The following PTPRD variants were observed in gnomAD, a reference collection of about 807,000 sequenced individuals.
PTPRD encodes protein tyrosine phosphatase receptor type D, also known as receptor-type tyrosine-protein phosphatase delta.
Under a neutral mutation model 214.5 loss-of-function variants are expected in PTPRD, and 34 were observed. The observed-to-expected ratio is 0.16, with a 90% confidence interval of 0.12 to 0.21. The LOEUF (loss-of-function observed/expected upper bound fraction) is 0.21, where lower values mean the gene tolerates loss of function less well. Among genes scored for constraint, PTPRD ranks in the 10% least tolerant of loss-of-function variants. The pLI, the probability that PTPRD is intolerant of heterozygous loss-of-function variation, is 1.00. For missense variants in PTPRD, 2,545 were observed against 2,398.7 expected, an observed-to-expected ratio of 1.06 and a Z score of -1.27; for synonymous variants, 1,128 against 845.7, an observed-to-expected ratio of 1.33 and a Z score of -5.79.
intron 8 of PTPRD, among the ~76,000 whole-genome samples, chr9:9,519,893 T>G (rs2096924509): frequency 6.6e-6 from 1 of 152,088 alleles, no homozygotes; most frequent in Admixed American, 6.6e-5. Context: ...GGAAAAGCCT[T>G]GCTCCACTGA....
At chr9:9,930,543 A>C (rs28384210) in intron 5 of PTPRD, among the ~76,000 whole-genome samples, 5,838 of 152,280 alleles carry the variant, frequency 0.038, 136 homozygotes, top group Non-Finnish European at 0.056. Context: ...ACTGCAGAAA[A>C]AGCATTGAAA....
chr9:9,482,159 T>C (rs904611144), intron 8 of PTPRD, among the ~76,000 whole-genome samples: 1 of 151,954 alleles, frequency 6.6e-6, no homozygotes, highest in African/African-American at 2.4e-5. Flanking sequence ...TAAGATCTTT[T>C]GGGGAGAGGT....
At chr9:10,561,496 G>T (rs1388231296) in intron 2 of PTPRD, among the ~76,000 whole-genome samples, 1 of 151,956 alleles carries the variant, frequency 6.6e-6, no homozygotes, top group African/African-American at 2.4e-5. Flanking sequence ...CTATTACCTA[G>T]AATACTGCAT....
chr9:9,399,049 A>C (rs542975688), intron 8 of PTPRD, among the ~76,000 whole-genome samples: 1 of 149,720 alleles, frequency 6.7e-6, no homozygotes, highest in East Asian at 2.0e-4. Context: ...AAATGTTGGC[A>C]AACAATTTTG....
intron 3 of PTPRD, among the ~76,000 whole-genome samples, chr9:10,047,312 C>CGTGTGTGTGTGTGTGCG (rs1316571345): frequency 2.4e-4 from 33 of 138,718 alleles, no homozygotes; most frequent in Admixed American, 2.4e-3. Context: ...AATCAACTAA[C>CGTGTGTGTGTGTGTGCG]TGTGTGTGTG....
intron 11 of PTPRD, among the ~76,000 whole-genome samples, chr9:8,764,249 G>A (rs1329264866): frequency 6.6e-6 from 1 of 152,144 alleles, no homozygotes; most frequent in Non-Finnish European, 1.5e-5. Flanking sequence ...TGTGATGTGA[G>A]CCATATGTTT....
chr9:10,496,112 T>C (rs1269616692), intron 2 of PTPRD, among the ~76,000 whole-genome samples: 6 of 151,796 alleles, frequency 4.0e-5, no homozygotes, highest in African/African-American at 1.4e-4. Context: ...CATAATTTCA[T>C]AATATTTTAA....
At chr9:10,023,719 A>G (rs1399064279) in intron 4 of PTPRD, among the ~76,000 whole-genome samples, 1 of 151,692 alleles carries the variant, frequency 6.6e-6, no homozygotes, top group Non-Finnish European at 1.5e-5. Context: ...TTGAATTGCA[A>G]TTTAGGGCCT....
chr9:8,899,172 C>T (rs1204860531), intron 11 of PTPRD, among the ~76,000 whole-genome samples: 1 of 152,074 alleles, frequency 6.6e-6, no homozygotes, highest in Non-Finnish European at 1.5e-5. Context: ...GCTTATAAAG[C>T]CATCTTGCAT....
At chr9:9,589,007 A>T (rs989480411) in intron 7 of PTPRD, among the ~76,000 whole-genome samples, 1 of 151,922 alleles carries the variant, frequency 6.6e-6, no homozygotes, top group African/African-American at 2.4e-5. Context: ...GTTCAATTTT[A>T]ATTTTTATGT....
chr9:9,104,841 T>A (rs2099796266), intron 10 of PTPRD, among the ~76,000 whole-genome samples: 1 of 152,202 alleles, frequency 6.6e-6, no homozygotes, highest in Non-Finnish European at 1.5e-5. Context: ...TCGACGTGAT[T>A]CCTGAACTGC....
intron 7 of PTPRD, among the ~76,000 whole-genome samples, chr9:9,595,308 ATATT>A (rs1239881125): frequency 9.6e-4 from 66 of 68,486 alleles, no homozygotes; most frequent in South Asian, 3.4e-3. Flanking sequence ...ATATATATAT[ATATT>A]ATATATATTT....
intron 9 of PTPRD, among the ~76,000 whole-genome samples, chr9:9,240,236 G>C (rs2099969689): frequency 6.6e-6 from 1 of 152,076 alleles, no homozygotes; most frequent in African/African-American, 2.4e-5. Flanking sequence ...TTAAGTAATA[G>C]TTATTAAATG....
At chr9:10,166,591 T>G (rs1342267821) in intron 3 of PTPRD, among the ~76,000 whole-genome samples, 1 of 151,996 alleles carries the variant, frequency 6.6e-6, no homozygotes, top group Non-Finnish European at 1.5e-5. Flanking sequence ...ATTTCTCAAT[T>G]TATTCATGTT....
At chr9:8,830,828 C>T (rs1018665187) in intron 11 of PTPRD, among the ~76,000 whole-genome samples, 12 of 152,042 alleles carry the variant, frequency 7.9e-5, no homozygotes, top group African/African-American at 2.9e-4. Context: ...AAAGAAATCC[C>T]AAAACCCTAC....
intron 11 of PTPRD, among the ~76,000 whole-genome samples, chr9:8,983,748 C>G (rs546668997): frequency 1.3e-5 from 2 of 151,926 alleles, no homozygotes; most frequent in African/African-American, 4.8e-5. Flanking sequence ...AAACTCCTGG[C>G]CTTAAAGATC....
chr9:9,823,188 C>A (rs2051398966), intron 5 of PTPRD, among the ~76,000 whole-genome samples: 1 of 152,046 alleles, frequency 6.6e-6, no homozygotes, highest in African/African-American at 2.4e-5. Context: ...AAGAGGTAAT[C>A]AGTTCATAGT....
At chr9:8,389,186 C>G (rs771159830) in intron 37 of PTPRD, 46 bp downstream of exon 37, 1 of 1,534,766 alleles carries the variant, frequency 6.5e-7, no homozygotes, top group South Asian at 1.3e-5. Context: ...CATAGGGACT[C>G]TGAGGGAAAA....
chr9:9,837,959 C>T (rs890075245), intron 5 of PTPRD, among the ~76,000 whole-genome samples: 1 of 152,224 alleles, frequency 6.6e-6, no homozygotes, highest in Admixed American at 6.5e-5. Flanking sequence ...TGATGTTCCC[C>T]TTCCTGTGTC....
Sources: gnomAD v4.1 joint callset for allele counts (sites outside exome capture counted in the v4.1 genomes callset) on GRCh38, gnomAD v4.1.1 for gene constraint, MANE v1.5 for transcripts, NCBI Gene and HGNC (gene_info 2026-07-23, HGNC 2026-07-21) for gene names.